The following SEMA3A variants were observed in gnomAD, a reference collection of about 807,000 sequenced individuals.
SEMA3A encodes semaphorin 3A, also known as semaphorin-3A.
Under a neutral mutation model 97.9 loss-of-function variants are expected in SEMA3A, and 29 were observed. The ratio of observed to expected loss-of-function variants is 0.30; its 90% CI spans 0.22 to 0.40. The LOEUF (loss-of-function observed/expected upper bound fraction) is 0.40. Ranked by LOEUF, SEMA3A falls within the 10% of genes least tolerant of loss-of-function variation. The probability of loss-of-function intolerance (pLI) is 1.00; values close to 1 mark genes in which losing one functional copy is unlikely to be tolerated. For missense variants in SEMA3A, 763 were observed against 951.3 expected (o/e 0.80, Z 2.60); for synonymous variants, 321 against 323.7 (o/e 0.99, Z 0.09).
intron 2 of SEMA3A, chr7:84,371,681 C>A (rs553840911): frequency 3.3e-5 from 5 of 151,676 alleles, no homozygotes; most frequent in Non-Finnish European, 7.4e-5. Flanking sequence ...TTTCACTTTG[C>A]TTTTAGGTTG....
chr7:84,063,090 TC>T (rs1350634783), intron 4 of SEMA3A, among the ~76,000 whole-genome samples: 1 of 151,926 alleles, frequency 6.6e-6, no homozygotes, highest in African/African-American at 2.4e-5. Flanking sequence ...GCAGACTGCC[TC>T]CTCAAGTGGG....
In SEMA3A at chr7:84,194,412, A is replaced by G. The variant is rs13231702; in HGVS notation, c.112+63T>C. 0.056 allele frequency: 59,589 copies of G among 1,071,794 alleles called. 1,872 individuals are homozygous for G. Among genetic ancestry groups the G allele is most frequent in the African/African-American group, 0.11 (5,985 of 56,560 alleles). The allele number at this position is 1,071,794 out of a possible 1,614,324, so 66.4% of individuals were successfully genotyped here. ...ATGATTTGGGGTTGGGAGGGAGTTC[A>G]AGGAATTAAGGGGGGGGGCGGTTAT... On this transcript the variant is annotated intron_variant, in intron 1 of 16. Coordinates refer to ENST00000265362, the MANE Select transcript of SEMA3A (RefSeq NM_006080.3).
chr7:84,086,446 ATATTATTATATTCATATATAATATG>A (rs1425979018), intron 4 of SEMA3A, among the ~76,000 whole-genome samples: 5 of 139,616 alleles, frequency 3.6e-5, no homozygotes, highest in African/African-American at 1.4e-4. Context: ...TATATTTTAT[ATATTATTATATTCATATATAATATG>A]TATTATTATA....
intron 1 of SEMA3A, among the ~76,000 whole-genome samples, chr7:84,154,679 GAA>G (rs143774288): frequency 2.7e-5 from 3 of 112,202 alleles, no homozygotes; most frequent in African/African-American, 3.4e-5. Flanking sequence ...TAGTCTCAGG[GAA>G]AAAAAAAAAC....
chr7:84,286,574 C>CA (rs992254302), intron 3 of SEMA3A, among the ~76,000 whole-genome samples: 2 of 151,956 alleles, frequency 1.3e-5, no homozygotes, highest in Non-Finnish European at 2.9e-5. Flanking sequence ...TATTTTTTGA[C>CA]AAAAATCATG....
At chr7:84,288,570 C>G (rs1030757498) in intron 3 of SEMA3A, among the ~76,000 whole-genome samples, 2 of 151,922 alleles carry the variant, frequency 1.3e-5, no homozygotes, top group Admixed American at 6.6e-5. Context: ...TGGAGGTGCA[C>G]GCCTGTAGTC....
intron 1 of SEMA3A, among the ~76,000 whole-genome samples, chr7:84,421,816 C>A (rs2116281177): frequency 6.6e-6 from 1 of 152,082 alleles, no homozygotes; most frequent in Non-Finnish European, 1.5e-5. Context: ...TGATGGATTA[C>A]ATTTACTGAT....
At chr7:84,253,614 G>T (rs1207474921) in intron 3 of SEMA3A, among the ~76,000 whole-genome samples, 3 of 152,154 alleles carry the variant, frequency 2.0e-5, no homozygotes, top group Non-Finnish European at 2.9e-5. Context: ...GGGGTGCAAA[G>T]TTGGGGTGGT....
At chr7:84,222,505 A>G (rs539230389) in intron 3 of SEMA3A, among the ~76,000 whole-genome samples, 1 of 152,010 alleles carries the variant, frequency 6.6e-6, no homozygotes, top group Non-Finnish European at 1.5e-5. Flanking sequence ...TTAAAATTTC[A>G]TATTTCCTTA....
chr7:84,418,871 T>C lies in SEMA3A; in HGVS notation c.-245-46971A>G, dbSNP rs555888364. On this transcript the variant is annotated intron_variant, in intron 1 of 3. Transcript: ENST00000424555. Reference sequence around the variant, plus strand: ...TAGCCTTGTAACTGTGAGTCAATTCTCTCTAATAAAATCTCATATATATAT... The same window carrying C: ...TAGCCTTGTAACTGTGAGTCAATTCCCTCTAATAAAATCTCATATATATAT... 9.9e-5 allele frequency among the ~76,000 whole-genome samples: 15 copies of C among 152,046 alleles called. No individual in the cohort carries two copies. The South Asian group carries it at 3.1e-3, about 32-fold the overall frequency.
chr7:84,074,491 G>A (rs773111259), intron 4 of SEMA3A, among the ~76,000 whole-genome samples: 4 of 151,952 alleles, frequency 2.6e-5, no homozygotes, highest in Non-Finnish European at 5.9e-5. Flanking sequence ...CCCTACCTTA[G>A]ATTTAACTAT....
chr7:84,451,689 T>TA (rs1200376132), intron 1 of SEMA3A, among the ~76,000 whole-genome samples: 1 of 152,188 alleles, frequency 6.6e-6, no homozygotes, highest in East Asian at 1.9e-4. Context: ...ACAGCAAATT[T>TA]ATCACAGAAA....
intron 3 of SEMA3A, among the ~76,000 whole-genome samples, chr7:84,218,522 T>C (rs1798802386): frequency 6.6e-6 from 1 of 152,150 alleles, no homozygotes; most frequent in Non-Finnish European, 1.5e-5. Flanking sequence ...GCAAAATTGC[T>C]TAGAAACATC....
At chr7:83,966,604 C>A (rs1204885518) in intron 15 of SEMA3A, among the ~76,000 whole-genome samples, 1 of 152,154 alleles carries the variant, frequency 6.6e-6, no homozygotes, top group Non-Finnish European at 1.5e-5. Context: ...AACTATCAAT[C>A]ACGATCAAGA....
In SEMA3A at chr7:83,981,330, G is replaced by T; in HGVS notation, c.1643C>A (p.Thr548Asn). The T allele has an allele frequency of 6.2e-7, 1 of 1,613,894 alleles. No individual in the cohort carries two copies. The highest frequency in any genetic ancestry group is 8.5e-7 in the Non-Finnish European group (1 of 1,179,872). Residue 548 changes from threonine (T) to asparagine (N), a missense_variant, in exon 14 of 17, where the codon ACT becomes AAT. This residue lies in a region of SEMA3A where 678 missense variants were observed against 881.3 expected (regional missense o/e 0.77). Transcript: ENST00000265362. ...DGSACSRYFP[T>N]AKRRTRRQDI... The stretch of plus-strand genomic sequence containing the variant: ...TGAATATTTTTCCTACCTCTTTGCA[G>T]TGGGAAAATAGCGAGAACATGCAGA...
intron 1 of SEMA3A, among the ~76,000 whole-genome samples, chr7:84,455,362 T>C (rs13243946): frequency 0.11 from 16,984 of 152,008 alleles, 1,186 homozygotes; most frequent in East Asian, 0.28. Flanking sequence ...ACAAAGTGCA[T>C]TTAAAAACTA....
At chr7:84,266,464 A>ATACAATGTGGT (rs1800006784) in intron 3 of SEMA3A, among the ~76,000 whole-genome samples, 1 of 152,092 alleles carries the variant, frequency 6.6e-6, no homozygotes, top group Non-Finnish European at 1.5e-5. Flanking sequence ...TGGGTCTCTA[A>ATACAATGTGGT]CTATCCAATA....
chr7:84,401,381 C>T (rs1172326632), intron 1 of SEMA3A, among the ~76,000 whole-genome samples: 1 of 151,682 alleles, frequency 6.6e-6, no homozygotes, highest in African/African-American at 2.4e-5. Context: ...GAAAAATATT[C>T]CATTTTCATG....
At chr7:84,271,871 T>G (rs1195983461) in intron 3 of SEMA3A, among the ~76,000 whole-genome samples, 4 of 152,106 alleles carry the variant, frequency 2.6e-5, no homozygotes, top group Non-Finnish European at 5.9e-5. Flanking sequence ...ACAATTCTAA[T>G]AAAAAGCTTC....
Sources: allele counts gnomAD v4.1 joint callset (sites outside exome capture counted in the v4.1 genomes callset), GRCh38; gene constraint gnomAD v4.1.1; regional missense constraint gnomAD v4.1.1; transcripts MANE v1.5; gene names NCBI Gene and HGNC (gene_info 2026-07-23, HGNC 2026-07-21).